The following USP38 variants were observed in gnomAD, a reference collection of about 807,000 sequenced individuals.
USP38 encodes ubiquitin carboxyl-terminal hydrolase 38.
In USP38, 49 loss-of-function variants were observed where a neutral mutation model predicts 94.3. The observed-to-expected ratio is 0.52, with a 90% CI of 0.41 to 0.66. The LOEUF (loss-of-function observed/expected upper bound fraction) is 0.66. USP38 is among the 30% of genes least tolerant of loss of function. The pLI, the probability that USP38 is intolerant of heterozygous loss-of-function variation, is 0.00. For synonymous variants in USP38, 468 were observed against 463.6 expected, an observed-to-expected ratio of 1.01 and a Z score of -0.12; for missense variants, 1,128 against 1,229.4, an observed-to-expected ratio of 0.92 and a Z score of 1.23.
At chr4:143,199,996 A>G (rs1048550025) in intron 4 of USP38, among the ~76,000 whole-genome samples, 2 of 152,100 alleles carry the variant, frequency 1.3e-5, no homozygotes, top group African/African-American at 4.8e-5. Flanking sequence ...CCCGTTTGTC[A>G]ATTTTTGCTT....
At chr4:143,211,058 A>T (rs1732010970) in intron 7 of USP38, among the ~76,000 whole-genome samples, 1 of 151,954 alleles carries the variant, frequency 6.6e-6, no homozygotes, top group Non-Finnish European at 1.5e-5. Context: ...GTGCTTTATC[A>T]CTAGTATGTA....
At chr4:143,186,967 C>T (rs1731244789) in intron 1 of USP38, among the ~76,000 whole-genome samples, 1 of 152,158 alleles carries the variant, frequency 6.6e-6, no homozygotes, top group African/African-American at 2.4e-5. Context: ...GATGTGTCCT[C>T]TTCTTATCTT....
intron 2 of USP38, among the ~76,000 whole-genome samples, chr4:143,191,266 G>A (rs1426010458): frequency 6.6e-6 from 1 of 152,076 alleles, no homozygotes; most frequent in Non-Finnish European, 1.5e-5. Flanking sequence ...GACCAAACAG[G>A]TAACATTAAA....
chr4:143,199,106 A>C (rs755352994), intron 4 of USP38, among the ~76,000 whole-genome samples: 1 of 152,102 alleles, frequency 6.6e-6, no homozygotes, highest in South Asian at 2.1e-4. Flanking sequence ...AGTACCCAAT[A>C]GTTATCTTTT....
intron 4 of USP38, among the ~76,000 whole-genome samples, chr4:143,200,614 G>GT (rs1167322056): frequency 6.6e-5 from 10 of 152,052 alleles, no homozygotes; most frequent in African/African-American, 2.4e-4. Flanking sequence ...ATATGTTTCT[G>GT]TATCTAGAAA....
intron 2 of USP38, among the ~76,000 whole-genome samples, chr4:143,189,086 G>A (rs1474619049): frequency 6.6e-6 from 1 of 151,720 alleles, no homozygotes; most frequent in Admixed American, 6.6e-5. Context: ...AGGTTGTGAG[G>A]AAGTGGTTTG....
rs548023215 is a variant in USP38, at chr4:143,223,734, A to T, written c.*3278A>T. 1 of 152,232 alleles carries T rather than the reference A, an allele frequency of 6.6e-6. No individual in the cohort carries two copies. The highest frequency in any genetic ancestry group is 2.4e-5 in the African/African-American group (1 of 41,568). The allele number at this position is 152,232 out of a possible 1,614,324, so 9.4% of individuals were successfully genotyped here. A position where few individuals can be genotyped will look rare whatever the true frequency, so the allele number is the denominator to read the frequency against. ...TTCCTATGATTGTGTACTTCACATGATACATTCCATATAAAGAGCTCTTTT... is the reference window on the plus strand; with the variant it reads ...TTCCTATGATTGTGTACTTCACATGTTACATTCCATATAAAGAGCTCTTTT... On this transcript the variant is annotated 3_prime_UTR_variant, in exon 10 of 10. Coordinates refer to ENST00000307017, the MANE Select transcript of USP38 (RefSeq NM_032557.6).
chr4:143,195,115 G>C (rs539411214), intron 2 of USP38, among the ~76,000 whole-genome samples: 1 of 152,080 alleles, frequency 6.6e-6, no homozygotes, highest in Non-Finnish European at 1.5e-5. Flanking sequence ...ATATTAGACT[G>C]TACTCACCAG....
chr4:143,220,537 A>G lies in USP38; in HGVS notation c.*81A>G, dbSNP rs573992871. The G allele has an allele frequency of 4.5e-6, 6 of 1,341,758 alleles. No homozygotes were observed. Among genetic ancestry groups the G allele is most frequent in the African/African-American group, 1.5e-5 (1 of 66,616 alleles). The allele number at this position is 1,341,758 out of a possible 1,614,324, so 83.1% of individuals were successfully genotyped here. On this transcript the variant is annotated 3_prime_UTR_variant, in exon 10 of 10. Coordinates refer to ENST00000307017, the MANE Select transcript of USP38 (RefSeq NM_032557.6). Reference sequence around the variant, plus strand: ...AAATGTCAGACTATAACAAATATCTATCTTTTATTTTTCATTAGACCCTTA... The same window carrying G: ...AAATGTCAGACTATAACAAATATCTGTCTTTTATTTTTCATTAGACCCTTA...
intron 3 of USP38, among the ~76,000 whole-genome samples, chr4:143,197,406 CT>C (rs368029030): frequency 1.7e-3 from 260 of 152,198 alleles, no homozygotes; most frequent in African/African-American, 6.1e-3. Context: ...TTGTTTCTAC[CT>C]GCCCTCTAGA....
Position 143,214,460 on chromosome 4 carries a change from G to A in USP38, c.2484G>A (p.Gly828=). 1 of 1,613,576 alleles carries A rather than the reference G, an allele frequency of 6.2e-7. No homozygotes were observed. Among genetic ancestry groups the A allele is most frequent in the Admixed American group, 1.7e-5 (1 of 59,934 alleles). The change falls in exon 9 of 10, where the codon GGG becomes GGA. Residue 828 remains glycine (G), a synonymous_variant. Coordinates refer to ENST00000307017, the MANE Select transcript of USP38 (RefSeq NM_032557.6). ...ENLAKKLKPS[G]TDEASCTKLV... ...TTGCTAAAAAATTAAAGCCTTCAGG[G>A]ACTGATGAAGCTTCCTGCACAAAAT...
rs1398295681 is a variant in USP38, at chr4:143,186,896, A to T, written c.682+764A>T. On this transcript the variant is annotated intron_variant, in intron 1 of 9. Transcript: ENST00000307017. ...CATTTCCGCTCTACTTGGTACAAGC[A>T]TTCTCCTTCATTTATAACACCAGTG... 3.3e-5 allele frequency among the ~76,000 whole-genome samples: 5 copies of T among 152,160 alleles called. No homozygotes were observed. In the East Asian group the frequency reaches 9.6e-4, roughly 29 times the overall value.
rs1397012882 is a variant in USP38 at position 143,221,244 on chromosome 4, T to C, written c.*788T>C. ...GCCTTGCAGTACTGTAATTCAAAAATAGGAATCTTTGGCTGCAAAATTTTA... is the reference window on the plus strand; with the variant it reads ...GCCTTGCAGTACTGTAATTCAAAAACAGGAATCTTTGGCTGCAAAATTTTA... On this transcript the variant is annotated 3_prime_UTR_variant, in exon 10 of 10. Transcript: ENST00000307017. 2 of 152,564 alleles carry C rather than the reference T, an allele frequency of 1.3e-5. No homozygotes were observed. Among genetic ancestry groups the C allele is most frequent in the African/African-American group, 2.4e-5 (1 of 41,444 alleles). The allele number at this position is 152,564 out of a possible 1,614,324, so 9.5% of individuals were successfully genotyped here.
intron 4 of USP38, among the ~76,000 whole-genome samples, chr4:143,203,003 T>G (rs1731759549): frequency 6.6e-6 from 1 of 152,162 alleles, no homozygotes; most frequent in South Asian, 2.1e-4. Flanking sequence ...AAATTTTAGA[T>G]TCACACTAGA....
intron 4 of USP38, among the ~76,000 whole-genome samples, chr4:143,200,906 G>T (rs1450482862): frequency 2.0e-5 from 3 of 152,200 alleles, no homozygotes; most frequent in Non-Finnish European, 4.4e-5. Flanking sequence ...AACATCCCAT[G>T]CTTATGGATA....
chr4:143,208,976 CTTTTT>C (rs550012218), intron 6 of USP38, among the ~76,000 whole-genome samples: 1 of 132,878 alleles, frequency 7.5e-6, no homozygotes. Flanking sequence ...TGTCCCTTTA[CTTTTT>C]TTTTTTTTTT....
chr4:143,221,353 G>A lies in USP38; in HGVS notation c.*897G>A, dbSNP rs1375908484. 4 of 152,480 alleles carry A rather than the reference G, an allele frequency of 2.6e-5. No individual in the cohort carries two copies. Among genetic ancestry groups the A allele is most frequent in the African/African-American group, 9.7e-5 (4 of 41,414 alleles). 9.4% of individuals were successfully genotyped at this position (152,480 alleles called of 1,614,324 possible). A position where few individuals can be genotyped will look rare whatever the true frequency, so the allele number is the denominator to read the frequency against. The stretch of plus-strand genomic sequence containing the variant: ...AATAGATTTTCCAGAAGTAAAATCT[G>A]ATGGTTCTAAATCAATCAATGTGAT... On this transcript the variant is annotated 3_prime_UTR_variant, in exon 10 of 10. Transcript: ENST00000307017.
chr4:143,188,341 G>T (rs1178595365), intron 2 of USP38, among the ~76,000 whole-genome samples: 1 of 151,048 alleles, frequency 6.6e-6, no homozygotes, highest in East Asian at 1.9e-4. Flanking sequence ...CTTTCAACCA[G>T]GCTCAATGTG....
intron 9 of USP38, among the ~76,000 whole-genome samples, chr4:143,217,347 T>G (rs1382759683): frequency 1.3e-5 from 2 of 152,218 alleles, no homozygotes; most frequent in African/African-American, 2.4e-5. Flanking sequence ...TACATGTGTG[T>G]TTTCATTCTA....
Sources: allele counts gnomAD v4.1 joint callset (sites outside exome capture counted in the v4.1 genomes callset), GRCh38; gene constraint gnomAD v4.1.1; transcripts MANE v1.5; gene names NCBI Gene and HGNC (gene_info 2026-07-23, HGNC 2026-07-21).